Variants in INPP4B observed in about 807,000 individuals in gnomAD.
INPP4B encodes the protein inositol polyphosphate-4-phosphatase type II B.
In INPP4B, 55 loss-of-function variants were observed where a neutral mutation model predicts 122.5. The observed-to-expected ratio is 0.45, with a 90% CI of 0.36 to 0.56. The LOEUF (loss-of-function observed/expected upper bound fraction) is 0.56. Among genes scored for constraint, INPP4B ranks in the 20% least tolerant of loss-of-function variants. INPP4B has a pLI of 0.00. For missense variants in INPP4B, 1,000 were observed against 1,097.7 expected, an observed-to-expected ratio of 0.91 and a Z score of 1.26; for synonymous variants, 403 against 388.7, an observed-to-expected ratio of 1.04 and a Z score of -0.43.
intron 1 of INPP4B, among the ~76,000 whole-genome samples, chr4:142,827,538 A>G (rs960462458): frequency 6.6e-6 from 1 of 152,210 alleles, no homozygotes; most frequent in Admixed American, 6.5e-5. Context: ...AATTTGCCCA[A>G]GTACATTACA....
chr4:142,259,062 C>G lies in INPP4B; in HGVS notation c.688+1430G>C, dbSNP rs369169088. 4.4e-3 allele frequency among the ~76,000 whole-genome samples: 661 copies of G among 151,888 alleles called. 5 individuals carry two copies. Among genetic ancestry groups the G allele is most frequent in the African/African-American group, 0.015 (622 of 41,416 alleles). On this transcript the variant is annotated intron_variant, in intron 11 of 25. Coordinates refer to ENST00000262992, the MANE Select transcript of INPP4B (RefSeq NM_001101669.3). Reference sequence around the variant, plus strand: ...AGTTCATGTCCTTTGTAGGGACATGCATGAAATTGGAAATCATCATTCTCA... The same window carrying G: ...AGTTCATGTCCTTTGTAGGGACATGGATGAAATTGGAAATCATCATTCTCA...
At chr4:142,323,231 T>G (rs901017684) in intron 7 of INPP4B, among the ~76,000 whole-genome samples, 4 of 151,956 alleles carry the variant, frequency 2.6e-5, no homozygotes, top group African/African-American at 9.7e-5. Context: ...AGAAGTCTGT[T>G]AGAAATGCAG....
chr4:142,385,472 G>C (rs28555074), intron 7 of INPP4B, among the ~76,000 whole-genome samples: 29,342 of 151,936 alleles, frequency 0.19, 3,633 homozygotes, highest in African/African-American at 0.35. Flanking sequence ...GTATGCTTCT[G>C]TACCTAGTGA....
intron 2 of INPP4B, among the ~76,000 whole-genome samples, chr4:142,613,218 A>G (rs1475692907): frequency 6.6e-6 from 1 of 152,218 alleles, no homozygotes; most frequent in Non-Finnish European, 1.5e-5. Context: ...AAGAGATACA[A>G]TTCCATCTAG....
chr4:142,611,969 T>G (rs929242615), intron 2 of INPP4B, among the ~76,000 whole-genome samples: 1 of 152,214 alleles, frequency 6.6e-6, no homozygotes, highest in Non-Finnish European at 1.5e-5. Flanking sequence ...GCATCTGGCC[T>G]GGAAGTTCCC....
intron 23 of INPP4B, among the ~76,000 whole-genome samples, chr4:142,091,584 G>A (rs12501744): frequency 0.25 from 38,145 of 152,044 alleles, 4,851 homozygotes; most frequent in East Asian, 0.3. Context: ...CCTCACACAC[G>A]TGCAGTCACA....
At chr4:142,332,570 A>T (rs1394352816) in intron 7 of INPP4B, among the ~76,000 whole-genome samples, 1 of 152,138 alleles carries the variant, frequency 6.6e-6, no homozygotes, top group East Asian at 1.9e-4. Context: ...GAGCTAGATA[A>T]ACCTTTAAAA....
In INPP4B at chr4:142,515,429, C is replaced by T. The variant is rs182833975; in HGVS notation, c.-190-52703G>A. Among the ~76,000 whole-genome samples the T allele has an allele frequency of 7.9e-5, 12 of 152,274 alleles. 1 individual carries two copies. Among genetic ancestry groups the T allele is most frequent in the Admixed American group, 3.9e-4 (6 of 15,290 alleles). On this transcript the variant is annotated intron_variant, in intron 2 of 25. Transcript: ENST00000262992. ...TGTTTCCTTCTGTTCTTAAAGCCCT[C>T]ATTAAATGCCTTTTTTTTCACACTA...
chr4:142,566,791 T>G (rs757008925), intron 2 of INPP4B, among the ~76,000 whole-genome samples: 1 of 152,214 alleles, frequency 6.6e-6, no homozygotes, highest in Non-Finnish European at 1.5e-5. Flanking sequence ...TGAAAAGAAC[T>G]GTAAACCTCT....
chr4:142,620,543 C>T (rs755160759), intron 2 of INPP4B, among the ~76,000 whole-genome samples: 5 of 151,822 alleles, frequency 3.3e-5, no homozygotes, highest in Non-Finnish European at 7.4e-5. Context: ...CGATAAACTA[C>T]CTATCAGGTA....
chr4:142,215,892 C>CAAAAAAAAAAAAAAAAAA (rs200657873), intron 12 of INPP4B, among the ~76,000 whole-genome samples: 1 of 54,578 alleles, frequency 1.8e-5, no homozygotes, highest in Non-Finnish European at 3.3e-5. Context: ...GACTCTGTCT[C>CAAAAAAAAAAAAAAAAAA]AAAAAAAAAA....
chr4:142,778,301 A>G (rs1774248911), intron 1 of INPP4B, among the ~76,000 whole-genome samples: 1 of 151,812 alleles, frequency 6.6e-6, no homozygotes, highest in South Asian at 2.1e-4. Flanking sequence ...ATCCTTCCTT[A>G]CTCATCTTTT....
chr4:142,169,688 T>G (rs879938101), intron 16 of INPP4B, among the ~76,000 whole-genome samples: 1 of 151,730 alleles, frequency 6.6e-6, no homozygotes, highest in South Asian at 2.1e-4. Flanking sequence ...GCTGTGAGTA[T>G]AGCCTCTAAC....
intron 25 of INPP4B, among the ~76,000 whole-genome samples, chr4:142,054,207 C>A (rs1756244357): frequency 6.6e-6 from 1 of 151,658 alleles, no homozygotes; most frequent in South Asian, 2.1e-4. Context: ...CAAAACCTGG[C>A]TGGCTGCCCC....
At chr4:142,331,729 G>C (rs1401734480) in intron 7 of INPP4B, among the ~76,000 whole-genome samples, 4 of 152,188 alleles carry the variant, frequency 2.6e-5, no homozygotes, top group African/African-American at 9.7e-5. Context: ...TGGTTTACCA[G>C]AATCAGTCTC....
intron 2 of INPP4B, among the ~76,000 whole-genome samples, chr4:142,652,329 C>G (rs906295855): frequency 6.6e-5 from 10 of 152,172 alleles, no homozygotes; most frequent in Non-Finnish European, 1.5e-4. Context: ...AATGCCCTCT[C>G]TCACCACTCC....
intron 12 of INPP4B, among the ~76,000 whole-genome samples, chr4:142,229,002 G>A (rs2149811743): frequency 6.6e-6 from 1 of 151,790 alleles, no homozygotes; most frequent in East Asian, 1.9e-4. Flanking sequence ...AAACTTTTTA[G>A]AGGCAAGCTG....
chr4:142,462,914 T>C (rs1270086337), intron 2 of INPP4B, among the ~76,000 whole-genome samples, 188 bp from the exon 3 acceptor site: 1 of 152,228 alleles, frequency 6.6e-6, no homozygotes, highest in Non-Finnish European at 1.5e-5. Context: ...GTCAGCTTCA[T>C]TCAGCCCATA....
intron 7 of INPP4B, among the ~76,000 whole-genome samples, chr4:142,382,275 A>G (rs1389256990): frequency 6.6e-6 from 1 of 151,884 alleles, no homozygotes; most frequent in East Asian, 1.9e-4. Flanking sequence ...TTGGGAGGCC[A>G]AGGCGGGTGG....
Sources: gnomAD v4.1 joint callset for allele counts (sites outside exome capture counted in the v4.1 genomes callset) on GRCh38, gnomAD v4.1.1 for gene constraint, MANE v1.5 for transcripts, NCBI Gene and HGNC (gene_info 2026-07-23, HGNC 2026-07-21) for gene names.